NRG1: variants seen among roughly 807,000 people sequenced by gnomAD.
NRG1 encodes pro-neuregulin-1, membrane-bound isoform.
A neutral mutation model predicts 63.8 loss-of-function variants in NRG1; 18 were observed. The ratio of observed to expected loss-of-function variants is 0.28; its 90% CI spans 0.19 to 0.42. The LOEUF is 0.42. Among genes scored for constraint, NRG1 ranks in the 10% least tolerant of loss-of-function variants. NRG1 has a pLI of 1.00. For synonymous variants in NRG1, 302 were observed against 301.3 expected (o/e 1.00, Z -0.02); for missense variants, 762 against 814.7 (o/e 0.94, Z 0.79).
intron 1 of NRG1, among the ~76,000 whole-genome samples, chr8:32,510,223 A>G (rs1829014378): frequency 6.6e-6 from 1 of 151,918 alleles, no homozygotes; most frequent in Non-Finnish European, 1.5e-5. Flanking sequence ...AGGGCTAGGC[A>G]TATTGCCTCG....
At chr8:31,702,722 C>T (rs1810750897) in intron 1 of NRG1, among the ~76,000 whole-genome samples, 1 of 152,210 alleles carries the variant, frequency 6.6e-6, no homozygotes, top group Admixed American at 6.5e-5. Context: ...GTGGATGTAA[C>T]TTCTTATGAT....
At chr8:32,159,872 G>A (rs1838634749) in intron 1 of NRG1, among the ~76,000 whole-genome samples, 1 of 152,082 alleles carries the variant, frequency 6.6e-6, no homozygotes, top group Non-Finnish European at 1.5e-5. Context: ...TGCTGGAATG[G>A]GATGTGGTAA....
At chr8:32,016,528 G>C (rs1022419196) in intron 1 of NRG1, among the ~76,000 whole-genome samples, 2 of 152,082 alleles carry the variant, frequency 1.3e-5, no homozygotes, top group Non-Finnish European at 2.9e-5. Flanking sequence ...AATTACAAGA[G>C]ATTGCCTGAA....
intron 1 of NRG1, among the ~76,000 whole-genome samples, chr8:31,747,329 G>A (rs935900948): frequency 1.3e-5 from 2 of 152,032 alleles, no homozygotes; most frequent in South Asian, 4.1e-4. Flanking sequence ...TGTTGGAAGA[G>A]TGTTGTGGGA....
rs117279677 is a variant in NRG1 at position 31,837,028 on chromosome 8, G to T, written c.37+197597G>T. ...CATTTTTAAAAATTGTGAATGAGCT[G>T]GGCATCTTACATATATGTAAGGGCC... On this transcript the variant is annotated intron_variant, in intron 1 of 10. Coordinates refer to the NRG1 transcript ENST00000519301. 8.0e-4 allele frequency among the ~76,000 whole-genome samples: 121 copies of T among 152,026 alleles called. No individual in the cohort carries two copies. The East Asian group carries it at 0.019, about 24-fold the overall frequency.
chr8:31,775,727 C>CA (rs1819054130), intron 1 of NRG1, among the ~76,000 whole-genome samples: 1 of 151,436 alleles, frequency 6.6e-6, no homozygotes, highest in Non-Finnish European at 1.5e-5. Flanking sequence ...ACTAAAAATA[C>CA]AAAAAATTAG....
chr8:32,305,455 CT>C (rs1856082386), intron 1 of NRG1, among the ~76,000 whole-genome samples: 1 of 152,150 alleles, frequency 6.6e-6, no homozygotes, highest in South Asian at 2.1e-4. Flanking sequence ...TTTTAGTCTA[CT>C]TTCTTACTCT....
At chr8:32,596,103 A>C (rs1229498091) in intron 2 of NRG1, 98 bp downstream of exon 2, 1 of 917,266 alleles carries the variant, frequency 1.1e-6, no homozygotes, top group South Asian at 2.6e-5. Context: ...TATCAGAAAC[A>C]TAATAGATAA....
intron 1 of NRG1, among the ~76,000 whole-genome samples, chr8:32,444,427 A>G (rs1250376322): frequency 2.6e-5 from 4 of 152,196 alleles, no homozygotes; most frequent in Admixed American, 6.5e-5. Context: ...GGTGTGAGCC[A>G]CCATGTCCAG....
chr8:32,707,675 C>G (rs1240173031), intron 5 of NRG1, among the ~76,000 whole-genome samples: 4 of 151,790 alleles, frequency 2.6e-5, no homozygotes, highest in African/African-American at 9.7e-5. Flanking sequence ...AAGCTGTGCA[C>G]TCTGCAAACA....
intron 5 of NRG1, among the ~76,000 whole-genome samples, chr8:32,679,251 C>T (rs1807989858): frequency 6.6e-6 from 1 of 152,092 alleles, no homozygotes; most frequent in African/African-American, 2.4e-5. Context: ...GTCCTATAAC[C>T]ATCATATTTT....
At chr8:32,749,580 T>C in intron 7 of NRG1, 1 of 1,613,910 alleles carries the variant, frequency 6.2e-7, no homozygotes, top group Non-Finnish European at 8.5e-7. Context: ...GGATTGAATT[T>C]ATGGGTATGG....
chr8:31,674,394 C>CTTA (rs1407163300), intron 1 of NRG1, among the ~76,000 whole-genome samples: 1 of 152,098 alleles, frequency 6.6e-6, no homozygotes, highest in Non-Finnish European at 1.5e-5. Context: ...CTTGCCAATA[C>CTTA]TTATTATTAT....
chr8:32,411,685 T>C (rs541778946), intron 1 of NRG1, among the ~76,000 whole-genome samples: 1 of 152,108 alleles, frequency 6.6e-6, no homozygotes, highest in Non-Finnish European at 1.5e-5. Context: ...GATAAATCCA[T>C]TGTAAGTTGA....
At chr8:32,433,592 A>G (rs1001505648) in intron 1 of NRG1, among the ~76,000 whole-genome samples, 2 of 152,150 alleles carry the variant, frequency 1.3e-5, no homozygotes, top group Non-Finnish European at 2.9e-5. Flanking sequence ...TTAATAATGG[A>G]CCAAAATAGA....
chr8:32,177,028 C>T (rs1021183293), intron 1 of NRG1, among the ~76,000 whole-genome samples: 1 of 152,144 alleles, frequency 6.6e-6, no homozygotes, highest in African/African-American at 2.4e-5. Flanking sequence ...CACATGCACA[C>T]ATATGTTTAT....
intron 8 of NRG1, among the ~76,000 whole-genome samples, chr8:32,755,862 C>T (rs1829581909): frequency 6.6e-6 from 1 of 152,046 alleles, no homozygotes; most frequent in Admixed American, 6.6e-5. Context: ...CATGCCTCAG[C>T]CTCCCGAGTA....
At chr8:32,409,889 T>C (rs770502254) in intron 1 of NRG1, among the ~76,000 whole-genome samples, 1 of 152,196 alleles carries the variant, frequency 6.6e-6, no homozygotes, top group Non-Finnish European at 1.5e-5. Flanking sequence ...ACCTTGCTGA[T>C]GGATTTCTCC....
chr8:32,657,989 A>C (rs1172713439), intron 5 of NRG1, among the ~76,000 whole-genome samples: 1 of 152,218 alleles, frequency 6.6e-6, no homozygotes. Flanking sequence ...AAAACAAACA[A>C]AAATATGTAA....
Sources: allele counts gnomAD v4.1 joint callset (sites outside exome capture counted in the v4.1 genomes callset), GRCh38; gene constraint gnomAD v4.1.1; transcripts MANE v1.5; gene names NCBI Gene and HGNC (gene_info 2026-07-23, HGNC 2026-07-21).